GRIP1: variants seen among roughly 807,000 people sequenced by gnomAD.
The protein encoded by GRIP1 is glutamate receptor-interacting protein 1.
A neutral mutation model predicts 129.9 loss-of-function variants in GRIP1; 45 were observed. The observed-to-expected ratio is 0.35, with a 90% CI of 0.27 to 0.44. The LOEUF (loss-of-function observed/expected upper bound fraction) is 0.44. Ranked by LOEUF, GRIP1 falls within the 20% of genes least tolerant of loss-of-function variation. GRIP1 has a pLI of 1.00. For missense variants in GRIP1, 1,196 were observed against 1,396.8 expected, an observed-to-expected ratio of 0.86 and a Z score of 2.29; for synonymous variants, 530 against 520.8, an observed-to-expected ratio of 1.02 and a Z score of -0.24.
chr12:66,724,388 G>C (rs184739666), intron 1 of GRIP1, among the ~76,000 whole-genome samples: 304 of 152,318 alleles, frequency 2.0e-3, no homozygotes, highest in Middle Eastern at 0.014. Flanking sequence ...GCTGCACTGA[G>C]CATCATGCTG....
At chr12:66,517,526 A>G (rs1466138094) in intron 6 of GRIP1, among the ~76,000 whole-genome samples, 1 of 152,162 alleles carries the variant, frequency 6.6e-6, no homozygotes, top group Non-Finnish European at 1.5e-5. Context: ...GCGAAGATGC[A>G]TTTCCAGCAT....
intron 7 of GRIP1, among the ~76,000 whole-genome samples, chr12:66,512,403 A>G (rs7488693): frequency 0.47 from 71,107 of 151,530 alleles, 16,890 homozygotes; most frequent in African/African-American, 0.54. Context: ...AGTGACATGT[A>G]CATATACCAC....
At chr12:66,859,145 C>T (rs1431924172) in intron 1 of GRIP1, among the ~76,000 whole-genome samples, 1 of 151,400 alleles carries the variant, frequency 6.6e-6, no homozygotes, top group Non-Finnish European at 1.5e-5. Flanking sequence ...CCATTGATAT[C>T]AGCCAAATAA....
In GRIP1 at chr12:66,782,888, A is replaced by G. The variant is rs971612967; in HGVS notation, c.-420+21165T>C. The stretch of plus-strand genomic sequence containing the variant: ...TGAAGATGGTTAGAGAAGTTAACAT[A>G]CTTTGACAAAATTAAAAATCAGTTA... On this transcript the variant is annotated intron_variant, in intron 1 of 4. Coordinates refer to the GRIP1 transcript ENST00000538373. Among the ~76,000 whole-genome samples, 12 of 152,224 alleles carry G rather than the reference A, an allele frequency of 7.9e-5. 1 individual carries two copies. Among genetic ancestry groups the G allele is most frequent in the African/African-American group, 2.9e-4 (12 of 41,450 alleles).
intron 1 of GRIP1, among the ~76,000 whole-genome samples, chr12:67,007,781 C>T (rs949851335): frequency 1.3e-5 from 2 of 152,132 alleles, no homozygotes; most frequent in African/African-American, 4.8e-5. Flanking sequence ...AATTTTCTTG[C>T]ACAATCGATG....
At chr12:66,809,450 C>T (rs1380178290) in intron 1 of GRIP1, among the ~76,000 whole-genome samples, 1 of 152,044 alleles carries the variant, frequency 6.6e-6, no homozygotes, top group African/African-American at 2.4e-5. Context: ...TGCCAATAAT[C>T]GCTGCAGCCT....
chr12:66,871,508 G>C (rs2040295478), intron 1 of GRIP1, among the ~76,000 whole-genome samples: 1 of 152,034 alleles, frequency 6.6e-6, no homozygotes, highest in Non-Finnish European at 1.5e-5. Context: ...ACCTTATAGG[G>C]ATGTGTAAGA....
chr12:66,858,428 A>T (rs957109393), intron 1 of GRIP1, among the ~76,000 whole-genome samples: 1 of 152,028 alleles, frequency 6.6e-6, no homozygotes, highest in Non-Finnish European at 1.5e-5. Flanking sequence ...TCTTAAAAAT[A>T]TAAATTATTC....
At chr12:66,576,833 A>G (rs960810844) in intron 2 of GRIP1, among the ~76,000 whole-genome samples, 8 of 152,224 alleles carry the variant, frequency 5.3e-5, no homozygotes, top group African/African-American at 1.7e-4. Flanking sequence ...ACTACCCCTC[A>G]AGGGTGGAAA....
chr12:66,735,058 C>T (rs1201053095), intron 1 of GRIP1, among the ~76,000 whole-genome samples: 3 of 152,138 alleles, frequency 2.0e-5, no homozygotes, highest in East Asian at 3.9e-4. Context: ...TCTATGATGT[C>T]CTTGCACAGT....
chr12:66,359,921 A>G (rs1368864017), intron 23 of GRIP1, among the ~76,000 whole-genome samples: 1 of 152,150 alleles, frequency 6.6e-6, no homozygotes, highest in Non-Finnish European at 1.5e-5. Context: ...TGCAAAAATA[A>G]TTCTAAGGAT....
intron 7 of GRIP1, among the ~76,000 whole-genome samples, chr12:66,480,229 T>C (rs945635896): frequency 2.8e-4 from 43 of 152,292 alleles, no homozygotes; most frequent in African/African-American, 9.6e-4. Context: ...AGTCTTAGGA[T>C]ACAAAATCAA....
chr12:66,413,028 C>A (rs1489724603), intron 15 of GRIP1, among the ~76,000 whole-genome samples: 2 of 152,106 alleles, frequency 1.3e-5, no homozygotes, highest in African/African-American at 4.8e-5. Flanking sequence ...TAACACCCCG[C>A]TGACAATATT....
chr12:66,530,341 GA>G (rs988009778), intron 4 of GRIP1, among the ~76,000 whole-genome samples: 2 of 152,132 alleles, frequency 1.3e-5, no homozygotes, highest in Non-Finnish European at 2.9e-5. Flanking sequence ...GGCACAGGAA[GA>G]AAAATTATCA....
At chr12:66,437,371 G>A (rs937189637) in intron 13 of GRIP1, among the ~76,000 whole-genome samples, 7 of 81,348 alleles carry the variant, frequency 8.6e-5, no homozygotes, top group Non-Finnish European at 2.5e-4. Context: ...TCTGGGCTCA[G>A]CGGGAGAATA....
At position 66,791,107 on chromosome 12, in the gene GRIP1, G is replaced by T. The variant is rs370629332; in HGVS notation, c.-420+12946C>A. 4.1e-4 allele frequency among the ~76,000 whole-genome samples: 62 copies of T among 152,300 alleles called. 1 individual carries two copies. Among genetic ancestry groups the T allele is most frequent in the African/African-American group, 1.4e-3 (59 of 41,568 alleles). On this transcript the variant is annotated intron_variant, in intron 1 of 4. Coordinates refer to the GRIP1 transcript ENST00000538373. ...TCTGCTGAATCCTTTTCAGTAGAAT[G>T]GCAGGTGCAGAATCCAGAGGGCCAC...
chr12:66,804,686 A>G (rs143934644), upstream of GRIP1, among the ~76,000 whole-genome samples: 87 of 152,240 alleles, frequency 5.7e-4, no homozygotes, highest in Admixed American at 5.3e-3. Flanking sequence ...AAAGTTAGAG[A>G]CTGAACTGAC....
intron 20 of GRIP1, among the ~76,000 whole-genome samples, chr12:66,377,808 C>A (rs1011952333): frequency 2.6e-5 from 4 of 151,958 alleles, no homozygotes; most frequent in Non-Finnish European, 5.9e-5. Context: ...AAAGGATGGT[C>A]CATGGTCTTA....
chr12:66,732,151 T>C (rs2036457865), intron 1 of GRIP1, among the ~76,000 whole-genome samples: 1 of 152,146 alleles, frequency 6.6e-6, no homozygotes, highest in African/African-American at 2.4e-5. Flanking sequence ...TGCCTCCCCT[T>C]CCACCTTCTC....
Sources: allele counts gnomAD v4.1 joint callset (sites outside exome capture counted in the v4.1 genomes callset), GRCh38; gene constraint gnomAD v4.1.1; transcripts MANE v1.5; gene names NCBI Gene and HGNC (gene_info 2026-07-23, HGNC 2026-07-21).